The following NADK variants were observed in gnomAD, a reference collection of about 807,000 sequenced individuals.
The protein encoded by NADK is poly(P)/ATP NAD kinase.
NADK carries 22 observed loss-of-function variants against 49.8 expected under a neutral mutation model. That is an observed-to-expected ratio of 0.44 (90% CI 0.32 to 0.63). The LOEUF is 0.63. Among genes scored for constraint, NADK ranks in the 30% least tolerant of loss-of-function variants. The probability of loss-of-function intolerance (pLI) is 0.06; values close to 1 mark genes in which losing one functional copy is unlikely to be tolerated. For missense variants in NADK, 438 were observed against 609.4 expected, an observed-to-expected ratio of 0.72 and a Z score of 2.96; for synonymous variants, 268 against 253.7, an observed-to-expected ratio of 1.06 and a Z score of -0.54.
Position 1,752,069 on chromosome 1 carries a change from A to G in NADK, c.*835T>C, listed in dbSNP as rs1446291814. 4 of 151,830 alleles carry G rather than the reference A, an allele frequency of 2.6e-5. No individual in the cohort carries two copies. The highest frequency in any genetic ancestry group is 5.9e-5 in the Non-Finnish European group (4 of 67,858). The allele number at this position is 151,830 out of a possible 1,614,324, so 9.4% of individuals were successfully genotyped here. A position where few individuals can be genotyped will look rare whatever the true frequency, so the allele number is the denominator to read the frequency against. On this transcript the variant is annotated 3_prime_UTR_variant, in exon 12 of 12. Transcript: ENST00000341426. The stretch of plus-strand genomic sequence containing the variant: ...ATCGCACTGAACAGAATGGTCCCCT[A>G]ATGGTCCCTGAGGACAGCGTCTTGC...
intron 1 of NADK, among the ~76,000 whole-genome samples, chr1:1,768,135 C>A (rs1645940372): frequency 6.7e-6 from 1 of 149,208 alleles, no homozygotes; most frequent in South Asian, 2.1e-4. Context: ...TGTGCCACTG[C>A]ACTCCAGCCT....
intron 3 of NADK, chr1:1,760,024 G>A (rs1016279659): frequency 9.4e-7 from 1 of 1,060,618 alleles, no homozygotes; most frequent in African/African-American, 1.6e-5. Context: ...GGAGGGCAGT[G>A]GAGCACTCTG....
At chr1:1,756,810 C>G in intron 4 of NADK, 1 of 961,756 alleles carries the variant, frequency 1.0e-6, no homozygotes, top group Non-Finnish European at 1.7e-6. Flanking sequence ...AGGGGGCTCC[C>G]TCTCAGGAAT....
At chr1:1,753,384 C>G (rs895962527) in intron 11 of NADK, among the ~76,000 whole-genome samples, 183 bp downstream of exon 11, 2 of 152,174 alleles carry the variant, frequency 1.3e-5, no homozygotes, top group African/African-American at 4.8e-5. Context: ...CATGTGCCAC[C>G]GTATGCGACC....
intron 3 of NADK, 47 bp downstream of exon 3, chr1:1,761,905 G>T: frequency 6.4e-7 from 1 of 1,573,520 alleles, no homozygotes; most frequent in Non-Finnish European, 8.7e-7. Flanking sequence ...TGGTCTAGGG[G>T]TTCTCTCCCT....
At chr1:1,756,173 G>T in intron 6 of NADK, 85 bp downstream of exon 6, 1 of 1,283,806 alleles carries the variant, frequency 7.8e-7, no homozygotes, top group Non-Finnish European at 1.1e-6. Context: ...GGGGTGAAAA[G>T]CAATGGAAGC....
intron 6 of NADK, 58 bp downstream of exon 6, chr1:1,756,197 CCCT>C: frequency 1.4e-6 from 2 of 1,442,924 alleles, no homozygotes; most frequent in Admixed American, 1.7e-5. Context: ...GCTTGTGAGC[CCCT>C]CGTTACGCAG....
At chr1:1,768,952 C>T (rs934613483) in intron 1 of NADK, among the ~76,000 whole-genome samples, 4 of 152,362 alleles carry the variant, frequency 2.6e-5, no homozygotes, top group Non-Finnish European at 4.4e-5. Context: ...CTGCATTCTA[C>T]AATCACCTTA....
intron 1 of NADK, among the ~76,000 whole-genome samples, chr1:1,776,500 C>T (rs1189283885): frequency 1.3e-5 from 2 of 152,072 alleles, no homozygotes; most frequent in Non-Finnish European, 2.9e-5. Flanking sequence ...GTGAGGCAAG[C>T]TGTGGTGGCT....
At position 1,753,607 on chromosome 1, in the gene NADK, A is replaced by G. The variant is rs767139258; in HGVS notation, c.1144T>C (p.Phe382Leu). 3.0e-5 allele frequency: 48 copies of G among 1,612,812 alleles called. No individual in the cohort carries two copies. Among genetic ancestry groups the G allele is most frequent in the Non-Finnish European group, 3.3e-5 (39 of 1,179,490 alleles). Reference protein sequence around the residue: ...PEARNTAWVSFDGRKRQEIRH... With the variant: ...PEARNTAWVSLDGRKRQEIRH... ...ATCTCTTGTCTCTTCCGTCCATCAA[A>G]GGACACCCATGCTGTGTTCCTTGCT... The change falls in exon 11 of 12, where the codon TTT becomes CTT. Residue 382 changes from phenylalanine to leucine, a missense_variant. Phe to Leu is a conservative substitution (Grantham distance 22). Coordinates refer to ENST00000341426, the MANE Select transcript of NADK (RefSeq NM_023018.5).
upstream of NADK, chr1:1,779,312 G>C (rs371396354): frequency 9.2e-5 from 14 of 152,520 alleles, no homozygotes; most frequent in African/African-American, 3.4e-4. Flanking sequence ...GGAACTGCGG[G>C]TCCCACCCAG....
rs558061207 is a variant in NADK, at chr1:1,759,846, G to A, written c.263+2106C>T. On this transcript the variant is annotated intron_variant, in intron 3 of 11. Transcript: ENST00000341426. ...CTGTCCGGTGACCCCGCCCTGGCCC[G>A]AGTGACTGACGGCTGGTGAAGGCAG... 3.4e-5 allele frequency: 53 copies of A among 1,551,028 alleles called. No homozygotes were observed. The South Asian group carries it at 5.0e-4, about 15-fold the overall frequency.
intron 4 of NADK, 124 bp from the exon 5 acceptor site, chr1:1,756,732 C>A (rs150316715): frequency 3.7e-5 from 57 of 1,540,110 alleles, no homozygotes; most frequent in Middle Eastern, 3.4e-4. Flanking sequence ...CGCCCCCCCA[C>A]GCTCACGCTG....
intron 6 of NADK, 149 bp from the exon 7 acceptor site, chr1:1,755,625 G>C (rs1645491888): frequency 1.5e-6 from 1 of 666,544 alleles, no homozygotes; most frequent in Admixed American, 2.6e-5. Context: ...ACAAGCGGAG[G>C]GGGACGTCGC....
chr1:1,759,151 G>C, intron 3 of NADK: 1 of 1,558,278 alleles, frequency 6.4e-7, no homozygotes, highest in Non-Finnish European at 8.7e-7. Flanking sequence ...GCTGAGCCCA[G>C]CCAGAGCCAC....
chr1:1,756,373 G>T (rs748377366), intron 5 of NADK, 30 bp from the exon 6 acceptor site: 1 of 1,610,490 alleles, frequency 6.2e-7, no homozygotes, highest in Non-Finnish European at 8.5e-7. Flanking sequence ...ACCAAGAAGA[G>T]GCTGTCACAC....
rs76347431 is a variant in NADK at position 1,771,786 on chromosome 1, G to T, written c.-40-6340C>A. On this transcript the variant is annotated intron_variant, in intron 1 of 11. Coordinates refer to ENST00000341426, the MANE Select transcript of NADK (RefSeq NM_023018.5). ...AGGACTAAAACTATGAAACTTTTTA[G>T]AAGAAAGCACTGGAAATTTTTTTTT... is the stretch of plus-strand genomic sequence containing the variant. Among the ~76,000 whole-genome samples the T allele has an allele frequency of 8.2e-3, 1,246 of 151,616 alleles. 20 individuals are homozygous for T. The highest frequency in any genetic ancestry group is 0.029 in the African/African-American group (1,211 of 41,486).
chr1:1,759,705 T>A, intron 3 of NADK: 1 of 1,546,632 alleles, frequency 6.5e-7, no homozygotes, highest in Non-Finnish European at 8.7e-7. Context: ...GAAAGCTGCA[T>A]GCCCCTCAAG....
At position 1,759,029 on chromosome 1, in the gene NADK, C is replaced by T; in HGVS notation, c.264-1719G>A. 4 of 1,444,682 alleles carry T rather than the reference C, an allele frequency of 2.8e-6. No homozygotes were observed. The South Asian group carries it at 5.8e-5, about 21-fold the overall frequency. The allele number at this position is 1,444,682 out of a possible 1,614,324, so 89.5% of individuals were successfully genotyped here. ...GTGCAGGTGGCTCACGGTCCTCCGG[C>T]CTGGTCAGCCAGCAAAGCCCCCGCC... is the stretch of plus-strand genomic sequence containing the variant. On this transcript the variant is annotated intron_variant, in intron 3 of 11. Coordinates refer to ENST00000341426, the MANE Select transcript of NADK (RefSeq NM_023018.5).
Sources: gnomAD v4.1 joint callset for allele counts (sites outside exome capture counted in the v4.1 genomes callset) on GRCh38, gnomAD v4.1.1 for gene constraint, MANE v1.5 for transcripts, NCBI Gene and HGNC (gene_info 2026-07-23, HGNC 2026-07-21) for gene names.